The following GABRA1 variants were observed in gnomAD, a reference collection of about 807,000 sequenced individuals.
The protein encoded by GABRA1 is gamma-aminobutyric acid receptor subunit alpha-1.
A neutral mutation model predicts 48.9 loss-of-function variants in GABRA1; 9 were observed. That is an observed-to-expected ratio of 0.18 (90% CI 0.11 to 0.32). The LOEUF (loss-of-function observed/expected upper bound fraction) is 0.32. Ranked by LOEUF, GABRA1 falls within the 10% of genes least tolerant of loss-of-function variation. The pLI is 1.00. For missense variants in GABRA1, 285 were observed against 553.8 expected (o/e 0.51, Z 4.87); for synonymous variants, 210 against 198.7 (o/e 1.06, Z -0.48).
intron 4 of GABRA1, among the ~76,000 whole-genome samples, chr5:161,867,615 AT>A (rs774826829): frequency 1.1e-4 from 17 of 152,156 alleles, no homozygotes; most frequent in Non-Finnish European, 1.2e-4. Flanking sequence ...TAAAGTGTCT[AT>A]CAATAGTGCT....
chr5:161,853,846 G>A (rs1290976442), intron 2 of GABRA1: 2 of 193,564 alleles, frequency 1.0e-5, no homozygotes, highest in Non-Finnish European at 2.1e-5. Context: ...TTTTTTTTAT[G>A]TGCATTAGCA....
rs1755105016 is a variant in GABRA1, at chr5:161,891,844, A to G, written c.856+794A>G. ...ACAAATCACCACTCTCGTTATGAAAATTGCATTCTGAAGCTTAAAATTGAG... is the reference window on the plus strand; with the variant it reads ...ACAAATCACCACTCTCGTTATGAAAGTTGCATTCTGAAGCTTAAAATTGAG... On this transcript the variant is annotated intron_variant, in intron 8 of 9. Transcript: ENST00000393943. 2.0e-5 allele frequency among the ~76,000 whole-genome samples: 3 copies of G among 152,302 alleles called. No homozygotes were observed. The East Asian group carries it at 5.8e-4, about 29-fold the overall frequency.
At chr5:161,896,883 C>T (rs1322461609) in intron 9 of GABRA1, among the ~76,000 whole-genome samples, 1 of 152,182 alleles carries the variant, frequency 6.6e-6, no homozygotes, top group Non-Finnish European at 1.5e-5. Flanking sequence ...GTGGTAACAT[C>T]TACCTTATTT....
intron 3 of GABRA1, 124 bp from the exon 4 acceptor site, chr5:161,865,597 G>A: frequency 1.2e-6 from 1 of 815,578 alleles, no homozygotes; most frequent in Non-Finnish European, 2.2e-6. Context: ...ACTACACAGT[G>A]GACCAATTTT....
In GABRA1 at chr5:161,862,633, G is replaced by A. The variant is rs1273784356; in HGVS notation, c.188-3088G>A. Among the ~76,000 whole-genome samples the A allele has an allele frequency of 2.0e-5, 3 of 151,790 alleles. No individual in the cohort carries two copies. The East Asian group carries it at 5.8e-4, about 29-fold the overall frequency. ...TATGTTTTTCCTAAAGTAAGTATGT[G>A]GTTTGCTACAGAGGAACAGAAGCAT... is the stretch of plus-strand genomic sequence containing the variant. On this transcript the variant is annotated intron_variant, in intron 3 of 9. Coordinates refer to ENST00000393943, the MANE Select transcript of GABRA1 (RefSeq NM_001127644.2).
In GABRA1 at chr5:161,887,686, A is replaced by C. The variant is rs1437881485; in HGVS notation, c.704-3212A>C. Among the ~76,000 whole-genome samples the C allele has an allele frequency of 2.6e-5, 4 of 152,318 alleles. No homozygotes were observed. In the East Asian group the frequency reaches 7.7e-4, roughly 29 times the overall value. Reference sequence around the variant, plus strand: ...GTTTAGAATACTTGGAAGGAAAATGACAGCTTCACAAGGAATCAATGTTCA... The same window carrying C: ...GTTTAGAATACTTGGAAGGAAAATGCCAGCTTCACAAGGAATCAATGTTCA... On this transcript the variant is annotated intron_variant, in intron 7 of 9. Transcript: ENST00000393943.
At chr5:161,877,763 A>G (rs1181137806) in intron 6 of GABRA1, among the ~76,000 whole-genome samples, 1 of 152,194 alleles carries the variant, frequency 6.6e-6, no homozygotes, top group Non-Finnish European at 1.5e-5. Flanking sequence ...ACAGTGTCTC[A>G]TATAAGAAAA....
At chr5:161,876,912 A>G (rs950479294) in intron 6 of GABRA1, among the ~76,000 whole-genome samples, 2 of 152,180 alleles carry the variant, frequency 1.3e-5, no homozygotes, top group Admixed American at 1.3e-4. Context: ...TGCCTGGGAC[A>G]GTATCGGTTT....
intron 7 of GABRA1, among the ~76,000 whole-genome samples, chr5:161,885,246 C>A (rs1754792952): frequency 6.6e-6 from 1 of 152,130 alleles, no homozygotes; most frequent in Non-Finnish European, 1.5e-5. Flanking sequence ...CAAGAGTCCA[C>A]CTTGATAGAT....
Position 161,897,579 on chromosome 5 carries a change from G to C in GABRA1, c.*157G>C. 1.4e-6 allele frequency: 1 copy of C among 720,286 alleles called. No homozygotes were observed. Among genetic ancestry groups the C allele is most frequent in the Non-Finnish European group, 2.3e-6 (1 of 438,428 alleles). 44.6% of individuals were successfully genotyped at this position (720,286 alleles called of 1,614,324 possible). A position where few individuals can be genotyped will look rare whatever the true frequency, so the allele number is the denominator to read the frequency against. On this transcript the variant is annotated 3_prime_UTR_variant, in exon 10 of 10. Transcript: ENST00000393943. The stretch of plus-strand genomic sequence containing the variant: ...TTTAAGAACAAGAGACCCCTGTCTG[G>C]CAGTCTGGAGCAAAGCAGACTATGC...
At chr5:161,855,545 C>A (rs1003284053) in intron 3 of GABRA1, among the ~76,000 whole-genome samples, 2 of 151,396 alleles carry the variant, frequency 1.3e-5, no homozygotes, top group African/African-American at 4.8e-5. Context: ...AGAAAAAATT[C>A]TTTAAGTCAA....
At chr5:161,857,060 A>T (rs1029980829) in intron 3 of GABRA1, among the ~76,000 whole-genome samples, 1 of 151,042 alleles carries the variant, frequency 6.6e-6, no homozygotes, top group African/African-American at 2.4e-5. Flanking sequence ...TTTTTATAGG[A>T]GCCATTTGCC....
chr5:161,860,715 A>T (rs1757820731), intron 3 of GABRA1, among the ~76,000 whole-genome samples: 1 of 151,634 alleles, frequency 6.6e-6, no homozygotes, highest in Admixed American at 6.6e-5. Context: ...ATTATGATGC[A>T]TTGCATGCTT....
intron 1 of GABRA1, among the ~76,000 whole-genome samples, chr5:161,849,351 A>G (rs916337043): frequency 6.6e-6 from 1 of 152,192 alleles, no homozygotes; most frequent in Non-Finnish European, 1.5e-5. Context: ...AGATTAGTAA[A>G]AGGGTAAATT....
chr5:161,848,505 C>CGGGGGG (rs35469580), intron 1 of GABRA1, 83 bp downstream of exon 1: 1 of 30,700 alleles, frequency 3.3e-5, no homozygotes. Flanking sequence ...ATGTTATAGT[C>CGGGGGG]GGGGGGGGGG....
At position 161,897,546 on chromosome 5, in the gene GABRA1, A is replaced by G. The variant is rs190770358; in HGVS notation, c.*124A>G. 143 of 984,868 alleles carry G rather than the reference A, an allele frequency of 1.5e-4. No homozygotes were observed. In the African/African-American group the frequency reaches 2.1e-3, roughly 15 times the overall value. The allele number at this position is 984,868 out of a possible 1,614,324, so 61.0% of individuals were successfully genotyped here. On this transcript the variant is annotated 3_prime_UTR_variant, in exon 10 of 10. Transcript: ENST00000393943. ...AGAATTTGAAAGTTTCCTTATTTTC[A>G]TAATTCATTTAAGAACAAGAGACCC... is the stretch of plus-strand genomic sequence containing the variant.
At chr5:161,877,355 G>GA (rs144016249) in intron 6 of GABRA1, among the ~76,000 whole-genome samples, 1,592 of 152,150 alleles carry the variant, frequency 0.01, 31 homozygotes, top group African/African-American at 0.036. Flanking sequence ...GAGAATAGCT[G>GA]AAAAAAGGAG....
At chr5:161,865,915 T>C (rs1753815941) in intron 4 of GABRA1, 127 bp downstream of exon 4, 1 of 721,270 alleles carries the variant, frequency 1.4e-6, no homozygotes, top group Non-Finnish European at 2.5e-6. Context: ...TGTCTTTCTG[T>C]GTGTAATATG....
intron 6 of GABRA1, among the ~76,000 whole-genome samples, chr5:161,877,410 A>G (rs1169374459): frequency 1.3e-5 from 2 of 152,140 alleles, no homozygotes; most frequent in Non-Finnish European, 2.9e-5. Flanking sequence ...GTGCTGATAG[A>G]TTTCTGATTG....
Sources: allele counts gnomAD v4.1 joint callset (sites outside exome capture counted in the v4.1 genomes callset), GRCh38; gene constraint gnomAD v4.1.1; transcripts MANE v1.5; gene names NCBI Gene and HGNC (gene_info 2026-07-23, HGNC 2026-07-21).